Variants in NYAP2 observed in about 807,000 individuals in gnomAD.
NYAP2 encodes neuronal tyrosine-phosphorylated phosphoinositide-3-kinase adaptor 2, also known as neuronal tyrosine-phosphorylated phosphoinositide-3-kinase adapter 2.
NYAP2 carries 23 observed loss-of-function variants against 50.4 expected under a neutral mutation model. The observed-to-expected ratio is 0.46, with a 90% CI of 0.33 to 0.65. NYAP2 has a LOEUF of 0.65. NYAP2 is among the 30% of genes least tolerant of loss of function. The pLI, the probability that NYAP2 is intolerant of heterozygous loss-of-function variation, is 0.02. For missense variants in NYAP2, 885 were observed against 861.0 expected (o/e 1.03, Z -0.35); for synonymous variants, 394 against 365.2 (o/e 1.08, Z -0.90).
intron 4 of NYAP2, among the ~76,000 whole-genome samples, chr2:225,516,491 G>A (rs1345550920): frequency 1.3e-5 from 2 of 152,030 alleles, no homozygotes; most frequent in African/African-American, 4.8e-5. Flanking sequence ...GTGCAGAAAT[G>A]GTAGACTCCC....
intron 3 of NYAP2, among the ~76,000 whole-genome samples, chr2:225,509,184 C>T (rs1286114980): frequency 6.6e-6 from 1 of 152,186 alleles, no homozygotes; most frequent in East Asian, 1.9e-4. Flanking sequence ...ACTAATCTCT[C>T]ATTCGTGAGA....
intron 3 of NYAP2, among the ~76,000 whole-genome samples, chr2:225,480,575 G>A (rs1690189217): frequency 6.6e-6 from 1 of 152,058 alleles, no homozygotes; most frequent in African/African-American, 2.4e-5. Flanking sequence ...TCATAGAAAG[G>A]CGAGTATTTG....
At position 225,527,242 on chromosome 2, in the gene NYAP2, A is replaced by G. The variant is rs77022009; in HGVS notation, c.523+13570A>G. On this transcript the variant is annotated intron_variant, in intron 4 of 6. Coordinates refer to ENST00000636099, the Ensembl canonical transcript of NYAP2. ...ATGGAGCCTTCCATGAGAAATCAAT[A>G]AGCCCAATGTGCCTGTGTGTCTATT... is the stretch of plus-strand genomic sequence containing the variant. 5.2e-3 allele frequency among the ~76,000 whole-genome samples: 788 copies of G among 152,306 alleles called. 12 individuals carry two copies. Among genetic ancestry groups the G allele is most frequent in the African/African-American group, 0.018 (756 of 41,568 alleles).
At chr2:225,588,911 T>C (rs1249771758) in intron 5 of NYAP2, among the ~76,000 whole-genome samples, 2 of 152,220 alleles carry the variant, frequency 1.3e-5, no homozygotes, top group Non-Finnish European at 2.9e-5. Context: ...CTATTTGAGA[T>C]TGTAGACCTG....
chr2:225,642,691 A>T (rs1693553785), intron 6 of NYAP2, among the ~76,000 whole-genome samples: 1 of 152,202 alleles, frequency 6.6e-6, no homozygotes, highest in African/African-American at 2.4e-5. Flanking sequence ...TCATGTGGCC[A>T]CTTCTGGAGG....
intron 6 of NYAP2, among the ~76,000 whole-genome samples, chr2:225,628,157 A>G (rs1693242676): frequency 6.6e-6 from 1 of 152,198 alleles, no homozygotes; most frequent in Non-Finnish European, 1.5e-5. Flanking sequence ...GCCATAGCAC[A>G]TATGTGGATA....
intron 3 of NYAP2, among the ~76,000 whole-genome samples, chr2:225,507,953 A>G (rs1445732675): frequency 6.6e-6 from 1 of 152,234 alleles, no homozygotes; most frequent in Non-Finnish European, 1.5e-5. Flanking sequence ...CAGTGCACAA[A>G]TGTCCAGGCC....
chr2:225,482,570 G>C (rs142197787), intron 3 of NYAP2, among the ~76,000 whole-genome samples: 4 of 152,156 alleles, frequency 2.6e-5, no homozygotes, highest in East Asian at 1.9e-4. Flanking sequence ...TTTCCCGAAG[G>C]CTTCTGAAAT....
rs960606943 is a variant in NYAP2 at position 225,543,883 on chromosome 2, G to C, written c.523+30211G>C. ...GAATTCTCCAGCTATTATTGTATTA[G>C]GGCCTGTCTCTCTCTTTAGCTCTAA... is the stretch of plus-strand genomic sequence containing the variant. On this transcript the variant is annotated intron_variant, in intron 4 of 6. Coordinates refer to ENST00000636099, the Ensembl canonical transcript of NYAP2. 3.3e-5 allele frequency among the ~76,000 whole-genome samples: 5 copies of C among 152,096 alleles called. No individual in the cohort carries two copies. The East Asian group carries it at 9.6e-4, about 29-fold the overall frequency.
intron 3 of NYAP2, among the ~76,000 whole-genome samples, chr2:225,512,676 G>A (rs537853342): frequency 3.3e-5 from 4 of 120,914 alleles, no homozygotes; most frequent in African/African-American, 1.3e-4. Context: ...TTCTTTGCTT[G>A]TCTTGCTTTG....
At chr2:225,448,902 C>A (rs974390326) in intron 3 of NYAP2, among the ~76,000 whole-genome samples, 1 of 152,064 alleles carries the variant, frequency 6.6e-6, no homozygotes, top group Non-Finnish European at 1.5e-5. Flanking sequence ...AGATCTGCAC[C>A]AACTCTGGTG....
chr2:225,416,756 T>C (rs1320533476), intron 3 of NYAP2, among the ~76,000 whole-genome samples: 2 of 152,140 alleles, frequency 1.3e-5, no homozygotes, highest in Non-Finnish European at 2.9e-5. Flanking sequence ...TTATTTTACA[T>C]TTTAAGAAGC....
chr2:225,616,185 C>A lies in NYAP2; in HGVS notation c.1619-10732C>A, dbSNP rs551644730. Among the ~76,000 whole-genome samples the A allele has an allele frequency of 1.2e-3, 181 of 152,260 alleles. 1 individual carries two copies. Among genetic ancestry groups the A allele is most frequent in the Admixed American group, 3.0e-3 (46 of 15,298 alleles). On this transcript the variant is annotated intron_variant, in intron 5 of 6. Transcript: ENST00000636099. Reference sequence around the variant, plus strand: ...GCTTTCTTTCCAACTGTACTGAAAACCATGGAATCTCCAAATGACTGAGCT... The same window carrying A: ...GCTTTCTTTCCAACTGTACTGAAAAACATGGAATCTCCAAATGACTGAGCT...
intron 4 of NYAP2, among the ~76,000 whole-genome samples, chr2:225,514,049 G>T (rs1029910114): frequency 2.6e-5 from 4 of 152,202 alleles, no homozygotes; most frequent in African/African-American, 7.2e-5. Flanking sequence ...TCAAGAAAAA[G>T]CTTATAATCA....
intron 3 of NYAP2, among the ~76,000 whole-genome samples, chr2:225,447,130 G>T (rs924253712): frequency 6.6e-6 from 1 of 152,154 alleles, no homozygotes; most frequent in African/African-American, 2.4e-5. Flanking sequence ...AGCAGAAGTT[G>T]CAGGGTCTTC....
At chr2:225,608,745 G>A (rs1443152021) in intron 5 of NYAP2, among the ~76,000 whole-genome samples, 1 of 152,046 alleles carries the variant, frequency 6.6e-6, no homozygotes, top group African/African-American at 2.4e-5. Flanking sequence ...TGACTTTCTG[G>A]AAAGGAGGAT....
intron 3 of NYAP2, among the ~76,000 whole-genome samples, chr2:225,469,114 T>G (rs187558688): frequency 1.3e-5 from 2 of 152,210 alleles, no homozygotes; most frequent in African/African-American, 4.8e-5. Context: ...TAGCAATCTA[T>G]CCGTCTGACA....
At chr2:225,441,585 A>G (rs1259586433) in intron 3 of NYAP2, among the ~76,000 whole-genome samples, 1 of 152,140 alleles carries the variant, frequency 6.6e-6, no homozygotes, top group Non-Finnish European at 1.5e-5. Flanking sequence ...GCGGAAGGCA[A>G]AGGAGAAACA....
chr2:225,699,992 G>C, the NYAP2 span: 1 of 151,756 alleles, frequency 6.6e-6, no homozygotes, highest in Admixed American at 6.6e-5. Flanking sequence ...TTATATTTCT[G>C]AGAGAAAAGA....
Sources: gnomAD v4.1 joint callset for allele counts (sites outside exome capture counted in the v4.1 genomes callset) on GRCh38, gnomAD v4.1.1 for gene constraint, MANE v1.5 for transcripts, NCBI Gene and HGNC (gene_info 2026-07-23, HGNC 2026-07-21) for gene names.